The following OR8D4 variants were observed in gnomAD, a reference collection of about 807,000 sequenced individuals.
OR8D4 encodes olfactory receptor 8D4.
For synonymous variants in OR8D4, 141 were observed against 134.8 expected (o/e 1.05, Z -0.32); for missense variants, 359 against 372.6 (o/e 0.96, Z 0.30).
In OR8D4 at chr11:123,907,952, C is replaced by A. The variant is rs1377638855; in HGVS notation, c.*576C>A. ...TTATCTTTAGTTTCCTGAATCCAAG[C>A]CCAAAAGGAAATCATCATCATGGTG... On this transcript the variant is annotated 3_prime_UTR_variant, in exon 2 of 2. Transcript: ENST00000641687. 1.3e-5 allele frequency: 2 copies of A among 151,942 alleles called. No homozygotes were observed. The highest frequency in any genetic ancestry group is 4.8e-5 in the African/African-American group (2 of 41,356). 9.4% of individuals were successfully genotyped at this position (151,942 alleles called of 1,614,324 possible).
chr11:123,907,486 C>T lies in OR8D4; in HGVS notation c.*110C>T, dbSNP rs1863215019. 1 of 554,674 alleles carries T rather than the reference C, an allele frequency of 1.8e-6. No homozygotes were observed. The highest frequency in any genetic ancestry group is 3.1e-5 in the East Asian group (1 of 32,426). 34.4% of individuals were successfully genotyped at this position (554,674 alleles called of 1,614,324 possible). A position where few individuals can be genotyped will look rare whatever the true frequency, so the allele number is the denominator to read the frequency against. Reference sequence around the variant, plus strand: ...TGAGGTCCAGGTACGGTGACTTACGCCTGTAATCCCAGCACTTTGGGAGGC... The same window carrying T: ...TGAGGTCCAGGTACGGTGACTTACGTCTGTAATCCCAGCACTTTGGGAGGC... On this transcript the variant is annotated 3_prime_UTR_variant, in exon 2 of 2. Transcript: ENST00000641687.
At chr11:123,906,281 T>C (rs1025017643) in intron 1 of OR8D4, 136 bp from the exon 2 acceptor site, 2 of 589,408 alleles carry the variant, frequency 3.4e-6, no homozygotes, top group Non-Finnish European at 5.9e-6. Flanking sequence ...GCTTACCGAC[T>C]CCATTTCATC....
At chr11:123,902,493 A>C (rs1334065389) in intron 1 of OR8D4, among the ~76,000 whole-genome samples, 1 of 152,162 alleles carries the variant, frequency 6.6e-6, no homozygotes, top group East Asian at 1.9e-4. Flanking sequence ...CTGCTTTAAA[A>C]ATATATTTAC....
rs143176427 is a variant in OR8D4 at position 123,906,510 on chromosome 11, C to T, written c.79C>T (p.Leu27Phe). 1 of 1,613,774 alleles carries T rather than the reference C, an allele frequency of 6.2e-7. No individual in the cohort carries two copies. Among genetic ancestry groups the T allele is most frequent in the African/African-American group, 1.3e-5 (1 of 74,920 alleles). The change falls in exon 2 of 2, where the codon CTC becomes TTC. Residue 27 changes from leucine (L) to phenylalanine (F), a missense_variant. By Grantham distance (22) the Leu-to-Phe change is conservative (BLOSUM62 0). Transcript: ENST00000641687. ...LTEQAELQLPLFCLFLGIYTV... is the reference protein window; with the variant it reads ...LTEQAELQLPFFCLFLGIYTV... Reference sequence around the variant, plus strand: ...TGAACAAGCAGAGCTTCAGCTGCCCCTCTTCTGCCTCTTCTTAGGAATTTA... The same window carrying T: ...TGAACAAGCAGAGCTTCAGCTGCCCTTCTTCTGCCTCTTCTTAGGAATTTA...
chr11:123,908,098 A>G lies in OR8D4; in HGVS notation c.*722A>G, dbSNP rs1184307740. 6.6e-6 allele frequency: 1 copy of G among 152,178 alleles called. No individual in the cohort carries two copies. The allele number at this position is 152,178 out of a possible 1,614,324, so 9.4% of individuals were successfully genotyped here. On this transcript the variant is annotated 3_prime_UTR_variant, in exon 2 of 2. Transcript: ENST00000641687. ...GGAGAATTTTTCTTGATTGTTTCTTATAAAGGGCTTCTTGAAAGCCAGTAT... is the reference window on the plus strand; with the variant it reads ...GGAGAATTTTTCTTGATTGTTTCTTGTAAAGGGCTTCTTGAAAGCCAGTAT...
chr11:123,904,600 G>A (rs535236138), intron 1 of OR8D4, among the ~76,000 whole-genome samples: 2 of 152,150 alleles, frequency 1.3e-5, no homozygotes, highest in Non-Finnish European at 2.9e-5. Context: ...ACTTTTGCAC[G>A]TGATCTTCCA....
At chr11:123,904,444 C>T (rs1863184068) in intron 1 of OR8D4, among the ~76,000 whole-genome samples, 4 of 152,126 alleles carry the variant, frequency 2.6e-5, no homozygotes, top group Admixed American at 6.5e-5. Context: ...ATATTAAAGA[C>T]AAAAAACTGA....
chr11:123,905,091 C>G (rs1863189776), intron 1 of OR8D4, among the ~76,000 whole-genome samples: 1 of 152,172 alleles, frequency 6.6e-6, no homozygotes. Context: ...AGTGGCAGCA[C>G]TAGTGTGTTA....
Position 123,906,544 on chromosome 11 carries a change from C to G in OR8D4, c.113C>G (p.Thr38Ser), listed in dbSNP as rs151219931. Residue 38 changes from threonine to serine, a missense_variant, in exon 2 of 2, where the codon ACT becomes AGT. Thr to Ser is a moderately conservative substitution (Grantham distance 58). Coordinates refer to ENST00000641687, the MANE Select transcript of OR8D4 (RefSeq NM_001005197.2). ...CTCTTCTTAGGAATTTACACAGTTA[C>G]TGTGGTGGGAAACCTCAGCATGATC... Reference protein sequence around the residue: ...FCLFLGIYTVTVVGNLSMISI... With the variant: ...FCLFLGIYTVSVVGNLSMISI... The G allele has an allele frequency of 1.8e-5, 29 of 1,613,746 alleles. No individual in the cohort carries two copies. The highest frequency in any genetic ancestry group is 2.4e-5 in the Non-Finnish European group (28 of 1,179,706).
Position 123,907,332 on chromosome 11 carries a change from C to G in OR8D4, c.901C>G (p.Leu301Val), listed in dbSNP as rs146310490. 20 of 1,499,612 alleles carry G rather than the reference C, an allele frequency of 1.3e-5. No homozygotes were observed. The South Asian group carries it at 2.2e-4, about 16-fold the overall frequency. The allele number at this position is 1,499,612 out of a possible 1,614,324, so 92.9% of individuals were successfully genotyped here. A position where few individuals can be genotyped will look rare whatever the true frequency, so the allele number is the denominator to read the frequency against. Reference sequence around the variant, plus strand: ...GAGGAACAATGAAGTAAGAAATGCTCTGATGAAACTTTTAAGAAGAAAAAT... The same window carrying G: ...GAGGAACAATGAAGTAAGAAATGCTGTGATGAAACTTTTAAGAAGAAAAAT... ...SLRNNEVRNA[L>V]MKLLRRKISL... The change falls in exon 2 of 2, where the codon CTG (leucine) becomes GTG (valine). Residue 301 changes from leucine to valine, a missense_variant. Leu to Val is a conservative substitution (Grantham distance 32). Transcript: ENST00000641687.
At position 123,907,572 on chromosome 11, in the gene OR8D4, C is replaced by A. The variant is rs1175198535; in HGVS notation, c.*196C>A. ...CCAGCCTGGCCAAGATGATGAAACC[C>A]CATCACTATTAAAATTACAAAAAAA... On this transcript the variant is annotated 3_prime_UTR_variant, in exon 2 of 2. Coordinates refer to ENST00000641687, the MANE Select transcript of OR8D4 (RefSeq NM_001005197.2). 2 of 295,708 alleles carry A rather than the reference C, an allele frequency of 6.8e-6. No homozygotes were observed. Among genetic ancestry groups the A allele is most frequent in the Non-Finnish European group, 1.2e-5 (2 of 161,330 alleles). The allele number at this position is 295,708 out of a possible 1,614,324, so 18.3% of individuals were successfully genotyped here. A position where few individuals can be genotyped will look rare whatever the true frequency, so the allele number is the denominator to read the frequency against.
intron 1 of OR8D4, among the ~76,000 whole-genome samples, chr11:123,903,943 A>T (rs2137491231): frequency 6.6e-6 from 1 of 152,314 alleles, no homozygotes; most frequent in African/African-American, 2.4e-5. Context: ...GCTTTCTGGC[A>T]CAAAATGAAT....
At chr11:123,905,464 A>G (rs1281533380) in intron 1 of OR8D4, among the ~76,000 whole-genome samples, 1 of 152,192 alleles carries the variant, frequency 6.6e-6, no homozygotes, top group Non-Finnish European at 1.5e-5. Context: ...TATGTAATTC[A>G]GGATGTCTGA....
At position 123,908,254 on chromosome 11, in the gene OR8D4, T is replaced by C. The variant is rs922583937; in HGVS notation, c.*878T>C. On this transcript the variant is annotated 3_prime_UTR_variant, in exon 2 of 2. Coordinates refer to ENST00000641687, the MANE Select transcript of OR8D4 (RefSeq NM_001005197.2). ...GATGAAGAGATGATGTTTATAACCT[T>C]ATTAAAATGTCTTGTTTTTTTTCAG... The C allele has an allele frequency of 1.3e-5, 2 of 152,214 alleles. No homozygotes were observed. Among genetic ancestry groups the C allele is most frequent in the African/African-American group, 4.8e-5 (2 of 41,452 alleles). The allele number at this position is 152,214 out of a possible 1,614,324, so 9.4% of individuals were successfully genotyped here. A position where few individuals can be genotyped will look rare whatever the true frequency, so the allele number is the denominator to read the frequency against.
At chr11:123,902,820 C>T (rs2315029) in intron 1 of OR8D4, among the ~76,000 whole-genome samples, 113,300 of 151,614 alleles carry the variant, frequency 0.75, 42,529 homozygotes, top group Admixed American at 0.82. Context: ...AATATAGCCA[C>T]TAGCCATAGG....
intron 1 of OR8D4, among the ~76,000 whole-genome samples, chr11:123,905,040 C>T (rs1295368436): frequency 6.6e-6 from 1 of 152,102 alleles, no homozygotes; most frequent in Admixed American, 6.6e-5. Flanking sequence ...TGGGAGCCTC[C>T]AAGTGGCAAC....
rs1195887562 is a variant in OR8D4 at position 123,907,069 on chromosome 11, C to T, written c.638C>T (p.Thr213Ile). ...TTTAACATGGTGGCCACAAGCCTAACAATCATTATTTCATATGCTTTTATC... is the reference window on the plus strand; with the variant it reads ...TTTAACATGGTGGCCACAAGCCTAATAATCATTATTTCATATGCTTTTATC... Reference protein sequence around the residue: ...GGFNMVATSLTIIISYAFILT... With the variant: ...GGFNMVATSLIIIISYAFILT... Residue 213 changes from threonine (T) to isoleucine (I), a missense_variant, in exon 2 of 2, where the codon ACA becomes ATA. Thr to Ile is a moderately conservative substitution (Grantham distance 89). Transcript: ENST00000641687. The T allele has an allele frequency of 1.9e-6, 3 of 1,613,944 alleles. No individual in the cohort carries two copies. In the African/African-American group the frequency reaches 4.0e-5, roughly 22 times the overall value.
chr11:123,906,567 A>T lies in OR8D4; in HGVS notation c.136A>T (p.Ile46Phe), dbSNP rs199742224. 1 of 1,613,836 alleles carries T rather than the reference A, an allele frequency of 6.2e-7. No individual in the cohort carries two copies. Among genetic ancestry groups the T allele is most frequent in the East Asian group, 2.2e-5 (1 of 44,830 alleles). Residue 46 changes from isoleucine (I) to phenylalanine (F), a missense_variant, in exon 2 of 2, where the codon ATC becomes TTC. Ile to Phe is a conservative substitution (Grantham distance 21). Transcript: ENST00000641687. ...TACTGTGGTGGGAAACCTCAGCATG[A>T]TCTCAATTATTAGGCTGAATCGTCA... ...TVTVVGNLSM[I>F]SIIRLNRQLH...
rs564383949 is a variant in OR8D4, at chr11:123,906,423, C to G, written c.-9C>G. The G allele has an allele frequency of 5.7e-5, 89 of 1,554,226 alleles. 1 individual carries two copies. The South Asian group carries it at 9.3e-4, about 16-fold the overall frequency. On this transcript the variant is annotated 5_prime_UTR_variant, in exon 2 of 2. Transcript: ENST00000641687. ...TTCTCTCTCATCTCCACAGATTTCT[C>G]AGAGAAGAATGGGTGTAAAAAACCA...
Sources: allele counts gnomAD v4.1 joint callset (sites outside exome capture counted in the v4.1 genomes callset), GRCh38; gene constraint gnomAD v4.1.1; transcripts MANE v1.5; gene names NCBI Gene and HGNC (gene_info 2026-07-23, HGNC 2026-07-21).